The following MTMR8 variants were observed in gnomAD, a reference collection of about 807,000 sequenced individuals.
MTMR8 encodes myotubularin related protein 8.
In MTMR8, 65 loss-of-function variants were observed where a neutral mutation model predicts 39.3. That is an observed-to-expected ratio of 1.65 (90% CI 1.35 to 2.03). MTMR8 has a LOEUF of 2.03. MTMR8 is among the 30% of genes most tolerant of loss of function. The pLI, the probability that MTMR8 is intolerant of heterozygous loss-of-function variation, is 0.00. For synonymous variants in MTMR8, 245 were observed against 185.2 expected (o/e 1.32, Z -2.62); for missense variants, 777 against 538.9 (o/e 1.44, Z -4.37).
At chrX:64,364,890 G>A (rs902680222) in intron 1 of MTMR8, among the ~76,000 whole-genome samples, 6 of 111,461 alleles carry the variant, frequency 5.4e-5, no homozygotes, top group Non-Finnish European at 9.4e-5. Context: ...TGGCTAACTA[G>A]AATAAACAGT....
chrX:64,302,737 G>C (rs1488484954), intron 12 of MTMR8, among the ~76,000 whole-genome samples: 1 of 112,343 alleles, frequency 8.9e-6, no homozygotes, highest in Non-Finnish European at 1.9e-5. Flanking sequence ...GAGCCTGCCT[G>C]CTTTACATAC....
chrX:64,268,589 G>T lies in MTMR8; in HGVS notation c.2063C>A (p.Thr688Lys). ...FSGDMGILGDTGISKASTKEA... is the reference protein window; with the variant it reads ...FSGDMGILGDKGISKASTKEA... ...CTTGGTGCTGGCCTTGGAGATGCCT[G>T]TGTCCCCCAAGATGCCCATGTCCCC... Residue 688 changes from threonine to lysine, a missense_variant, in exon 14 of 14, where the codon ACA becomes AAA. By Grantham distance (78) the Thr-to-Lys change is moderately conservative. Transcript: ENST00000374852. 8.3e-7 allele frequency: 1 copy of T among 1,211,112 alleles called. No individual in the cohort carries two copies. Among genetic ancestry groups the T allele is most frequent in the African/African-American group, 1.7e-5 (1 of 57,741 alleles).
chrX:64,274,866 G>GA (rs1259647834), intron 12 of MTMR8, among the ~76,000 whole-genome samples: 13 of 111,686 alleles, frequency 1.2e-4, no homozygotes, highest in Non-Finnish European at 1.9e-5. Flanking sequence ...CAAACTCATG[G>GA]AAACAGAGAG....
At chrX:64,286,347 G>T (rs968848686) in intron 12 of MTMR8, among the ~76,000 whole-genome samples, 2 of 111,904 alleles carry the variant, frequency 1.8e-5, no homozygotes, top group Middle Eastern at 4.6e-3. Context: ...AAAAGTCCAT[G>T]ACCAGAAGGA....
At chrX:64,321,516 C>T (rs756643541) in intron 12 of MTMR8, among the ~76,000 whole-genome samples, 2 of 111,453 alleles carry the variant, frequency 1.8e-5, no homozygotes, top group South Asian at 3.8e-4. Context: ...AAGATAGGTC[C>T]ATTGGGGTTA....
chrX:64,369,879 A>G (rs746934012), intron 1 of MTMR8, among the ~76,000 whole-genome samples: 42 of 111,828 alleles, frequency 3.8e-4, no homozygotes, highest in South Asian at 1.5e-3. Flanking sequence ...GGTTAGATGT[A>G]CATACAGCAA....
intron 12 of MTMR8, among the ~76,000 whole-genome samples, chrX:64,282,270 C>T (rs1920993030): frequency 9.0e-6 from 1 of 111,161 alleles, no homozygotes; most frequent in African/African-American, 3.3e-5. Context: ...TATAAGCACA[C>T]ATATGTTTAT....
chrX:64,324,123 G>T (rs888482877), intron 12 of MTMR8, among the ~76,000 whole-genome samples: 3 of 112,344 alleles, frequency 2.7e-5, no homozygotes, highest in East Asian at 2.8e-4. Context: ...AGCACTTTTG[G>T]GGGGGCCAAA....
At chrX:64,353,498 A>C (rs906152055) in intron 4 of MTMR8, among the ~76,000 whole-genome samples, 12 of 112,378 alleles carry the variant, frequency 1.1e-4, no homozygotes, top group African/African-American at 3.9e-4. Flanking sequence ...AAAAATGCTC[A>C]ACATCAATAA....
rs767762742 is a variant in MTMR8 at position 64,359,488 on chromosome X, T to G, written c.64A>C (p.Lys22Gln). 1 of 1,205,633 alleles carries G rather than the reference T, an allele frequency of 8.3e-7. No individual in the cohort carries two copies. Among genetic ancestry groups the G allele is most frequent in the Admixed American group, 2.2e-5 (1 of 45,499 alleles). Residue 22 changes from lysine (K) to glutamine (Q), a missense_variant, in exon 2 of 14, where the codon AAA (lysine) becomes CAA (glutamine). Transcript: ENST00000374852. ...AGATAAAGAATCCCATTAGCTGGTT[T>G]CTTACTCACATAACGATCCACCAAT... ...VKLVDRYVSKKPANGILYLTA... is the reference protein window; with the variant it reads ...VKLVDRYVSKQPANGILYLTA...
intron 8 of MTMR8, among the ~76,000 whole-genome samples, chrX:64,339,102 C>A (rs777270723): frequency 2.7e-5 from 3 of 110,969 alleles, no homozygotes; most frequent in Admixed American, 1.9e-4. Context: ...AAGATCTGAA[C>A]CAGAGTATAG....
intron 1 of MTMR8, among the ~76,000 whole-genome samples, chrX:64,371,062 C>G (rs990900764): frequency 9.0e-6 from 1 of 111,660 alleles, no homozygotes; most frequent in Non-Finnish European, 1.9e-5. Context: ...GAGGCTGAAT[C>G]AGAAGGATCA....
At chrX:64,383,385 A>T (rs929045859) in intron 1 of MTMR8, among the ~76,000 whole-genome samples, 3 of 109,393 alleles carry the variant, frequency 2.7e-5, no homozygotes, top group African/African-American at 9.9e-5. Context: ...ATTTATAATT[A>T]TATAGAATTC....
At chrX:64,385,956 T>C (rs935540553) in intron 1 of MTMR8, among the ~76,000 whole-genome samples, 18 of 111,184 alleles carry the variant, frequency 1.6e-4, no homozygotes, top group African/African-American at 5.9e-4. Context: ...AGGGAGTCAC[T>C]CAAGTTAAAT....
chrX:64,320,288 G>A (rs189269138), intron 12 of MTMR8, among the ~76,000 whole-genome samples: 2 of 110,972 alleles, frequency 1.8e-5, no homozygotes, highest in East Asian at 2.8e-4. Context: ...CTAAATTTTG[G>A]TAAGAGAGTG....
At chrX:64,313,295 C>T (rs1169564271) in intron 12 of MTMR8, among the ~76,000 whole-genome samples, 2 of 112,516 alleles carry the variant, frequency 1.8e-5, no homozygotes, top group Non-Finnish European at 3.7e-5. Context: ...GTACTTGTTG[C>T]TTCACCTTGC....
intron 12 of MTMR8, among the ~76,000 whole-genome samples, chrX:64,298,611 C>T (rs1434781427): frequency 1.1e-5 from 1 of 94,590 alleles, no homozygotes; most frequent in South Asian, 4.1e-4. Flanking sequence ...ACTTCCAACA[C>T]TATGTTGAAT....
intron 13 of MTMR8, 136 bp from the exon 14 acceptor site, chrX:64,269,179 C>G (rs1931700660): frequency 1.7e-6 from 1 of 581,880 alleles, no homozygotes; most frequent in Admixed American, 3.8e-5. Context: ...CCCCCTCCCC[C>G]ACAACATCTT....
At position 64,338,843 on chromosome X, in the gene MTMR8, T is replaced by A. The variant is rs1157857604; in HGVS notation, c.976-1450A>T. Among the ~76,000 whole-genome samples the A allele has an allele frequency of 3.6e-5, 4 of 111,008 alleles. No homozygotes were observed. The East Asian group carries it at 1.1e-3, about 32-fold the overall frequency. On this transcript the variant is annotated intron_variant, in intron 8 of 13. Transcript: ENST00000374852. ...TTATGAACATTTTAACAGGACAGAG[T>A]GAGAGACTAGTCATGGGATGAAAGA...
Sources: gnomAD v4.1 joint callset for allele counts (sites outside exome capture counted in the v4.1 genomes callset) on GRCh38, gnomAD v4.1.1 for gene constraint, MANE v1.5 for transcripts, NCBI Gene and HGNC (gene_info 2026-07-23, HGNC 2026-07-21) for gene names.